LOC128706666: variants seen among roughly 807,000 people sequenced by gnomAD.
the LOC128706666 span, among the ~76,000 whole-genome samples, chr20:10,433,137 G>A: frequency 6.6e-6 from 1 of 152,238 alleles, no homozygotes; most frequent in Non-Finnish European, 1.5e-5. Flanking sequence ...CCAAGTAGCT[G>A]GGATTACAGG....
At chr20:10,425,605 A>G in the LOC128706666 span, among the ~76,000 whole-genome samples, 1 of 152,246 alleles carries the variant, frequency 6.6e-6, no homozygotes, top group Non-Finnish European at 1.5e-5. Context: ...TCCTTCCCTC[A>G]AAACACTTGG....
the LOC128706666 span, among the ~76,000 whole-genome samples, chr20:10,423,398 G>A: frequency 2.0e-5 from 3 of 152,206 alleles, no homozygotes; most frequent in African/African-American, 7.2e-5. Flanking sequence ...CTCCAGGACA[G>A]GTGATGAAAT....
chr20:10,416,171 T>C, the LOC128706666 span, among the ~76,000 whole-genome samples: 6 of 150,884 alleles, frequency 4.0e-5, no homozygotes, highest in Non-Finnish European at 8.9e-5. Context: ...GTTGTTGCAG[T>C]GATGGATAAC....
the LOC128706666 span, among the ~76,000 whole-genome samples, chr20:10,430,967 T>A: frequency 9.9e-5 from 15 of 152,124 alleles, no homozygotes; most frequent in African/African-American, 3.6e-4. Flanking sequence ...AAGTCTAACC[T>A]CCACCACAAA....
At chr20:10,426,148 T>C in the LOC128706666 span, among the ~76,000 whole-genome samples, 2 of 152,262 alleles carry the variant, frequency 1.3e-5, no homozygotes, top group African/African-American at 4.8e-5. Flanking sequence ...ATTTTATAAA[T>C]GAAGAAACAT....
chr20:10,426,189 T>C, the LOC128706666 span, among the ~76,000 whole-genome samples: 46 of 152,362 alleles, frequency 3.0e-4, no homozygotes, highest in Admixed American at 2.1e-3. Flanking sequence ...TACTGTCAGT[T>C]AACTGTGGCA....
the LOC128706666 span, chr20:10,413,708 T>C: frequency 1.6e-6 from 1 of 627,700 alleles, no homozygotes; most frequent in Non-Finnish European, 2.8e-6. Flanking sequence ...TAATGACAAA[T>C]TAGTAATTCC....
At chr20:10,433,135 C>T in the LOC128706666 span, among the ~76,000 whole-genome samples, 7 of 152,260 alleles carry the variant, frequency 4.6e-5, no homozygotes, top group Admixed American at 4.6e-4. Flanking sequence ...TCCCAAGTAG[C>T]TGGGATTACA....
chr20:10,428,566 C>T, the LOC128706666 span, among the ~76,000 whole-genome samples: 7 of 152,144 alleles, frequency 4.6e-5, no homozygotes, highest in Non-Finnish European at 7.3e-5. Context: ...CAGCTGGGCG[C>T]GGTGGCTCAC....
chr20:10,415,158 G>T, the LOC128706666 span, among the ~76,000 whole-genome samples: 1 of 152,136 alleles, frequency 6.6e-6, no homozygotes, highest in Admixed American at 6.5e-5. Flanking sequence ...TGTGTGAAAA[G>T]AATAAAAACG....
the LOC128706666 span, among the ~76,000 whole-genome samples, chr20:10,433,357 T>C: frequency 1.3e-5 from 2 of 152,222 alleles, no homozygotes; most frequent in Admixed American, 6.5e-5. Context: ...GCGGAACTCA[T>C]GGATAGGGAG....
chr20:10,420,133 T>C, the LOC128706666 span, among the ~76,000 whole-genome samples: 5 of 152,168 alleles, frequency 3.3e-5, no homozygotes, highest in Admixed American at 1.3e-4. Flanking sequence ...CAAGCTAAAA[T>C]AGTTGATGTT....
chr20:10,424,272 A>G, the LOC128706666 span, among the ~76,000 whole-genome samples: 1 of 151,984 alleles, frequency 6.6e-6, no homozygotes, highest in Admixed American at 6.6e-5. Flanking sequence ...AGGAAAAAAA[A>G]AGGCCAGGCA....
At chr20:10,425,496 C>G in the LOC128706666 span, among the ~76,000 whole-genome samples, 2 of 152,066 alleles carry the variant, frequency 1.3e-5, no homozygotes, top group Non-Finnish European at 2.9e-5. Flanking sequence ...TTTTTAAAAC[C>G]TTGACTTTTA....
At chr20:10,419,548 C>T in the LOC128706666 span, among the ~76,000 whole-genome samples, 10 of 152,250 alleles carry the variant, frequency 6.6e-5, no homozygotes, top group African/African-American at 1.7e-4. Flanking sequence ...CTACATATAG[C>T]ACTAAACCCT....
At chr20:10,418,653 C>A in the LOC128706666 span, among the ~76,000 whole-genome samples, 3 of 152,092 alleles carry the variant, frequency 2.0e-5, no homozygotes, top group East Asian at 3.9e-4. Flanking sequence ...AGAGGAGATT[C>A]TTTTCTCAGC....
the LOC128706666 span, among the ~76,000 whole-genome samples, chr20:10,416,028 T>C: frequency 6.6e-6 from 1 of 152,094 alleles, no homozygotes; most frequent in Non-Finnish European, 1.5e-5. Context: ...ATAGAACATG[T>C]TTGGAAGTAT....
chr20:10,423,660 T>C, the LOC128706666 span, among the ~76,000 whole-genome samples: 1 of 152,192 alleles, frequency 6.6e-6, no homozygotes, highest in Non-Finnish European at 1.5e-5. Context: ...CTATAATACT[T>C]AGTGAATCTT....
the LOC128706666 span, among the ~76,000 whole-genome samples, chr20:10,427,270 C>T: frequency 1.3e-5 from 2 of 152,058 alleles, no homozygotes; most frequent in Non-Finnish European, 1.5e-5. Context: ...CTCATTTTGC[C>T]TATTGGGCTT....
Sources: gnomAD v4.1 joint callset for allele counts (sites outside exome capture counted in the v4.1 genomes callset) on GRCh38, gnomAD v4.1.1 for gene constraint, MANE v1.5 for transcripts.